UBXN7: variants seen among roughly 807,000 people sequenced by gnomAD.
UBXN7 encodes UBX domain protein 7.
Under a neutral mutation model 58.0 loss-of-function variants are expected in UBXN7, and 9 were observed. That is an observed-to-expected ratio of 0.16 (90% CI 0.09 to 0.27). The LOEUF (loss-of-function observed/expected upper bound fraction) is 0.27, where lower values mean the gene tolerates loss of function less well. Ranked by LOEUF, UBXN7 falls within the 10% of genes least tolerant of loss-of-function variation. The pLI is 1.00. For synonymous variants in UBXN7, 208 were observed against 205.0 expected (o/e 1.01, Z -0.12); for missense variants, 328 against 599.6 (o/e 0.55, Z 4.73).
At chr3:196,375,593 T>C (rs1218105393) in intron 5 of UBXN7, among the ~76,000 whole-genome samples, 1 of 152,180 alleles carries the variant, frequency 6.6e-6, no homozygotes. Context: ...AAGATTATCA[T>C]TGAAGAAGAT....
At chr3:196,419,003 C>T (rs1730591457) in intron 1 of UBXN7, among the ~76,000 whole-genome samples, 2 of 152,308 alleles carry the variant, frequency 1.3e-5, no homozygotes, top group African/African-American at 2.4e-5. Flanking sequence ...CGGTGGCTCA[C>T]GCCTGTAATC....
Position 196,383,386 on chromosome 3 carries a change from C to T in UBXN7, c.468+8427G>A, listed in dbSNP as rs150862711. Among the ~76,000 whole-genome samples, 766 of 152,258 alleles carry T rather than the reference C, an allele frequency of 5.0e-3. 7 individuals carry two copies. Among genetic ancestry groups the T allele is most frequent in the African/African-American group, 0.017 (725 of 41,558 alleles). Reference sequence around the variant, plus strand: ...ACCCCACTGTCAATATTAGACAGATCAATGAGACAGAAAGTTAACAAGGAT... The same window carrying T: ...ACCCCACTGTCAATATTAGACAGATTAATGAGACAGAAAGTTAACAAGGAT... On this transcript the variant is annotated intron_variant, in intron 5 of 10. Transcript: ENST00000296328.
At chr3:196,426,360 T>G (rs1368747713) in intron 1 of UBXN7, among the ~76,000 whole-genome samples, 1 of 135,750 alleles carries the variant, frequency 7.4e-6, no homozygotes, top group Non-Finnish European at 1.5e-5. Context: ...CACTCCAGCC[T>G]GGGTGACAGG....
At chr3:196,420,218 T>C (rs1730636329) in intron 1 of UBXN7, among the ~76,000 whole-genome samples, 1 of 152,126 alleles carries the variant, frequency 6.6e-6, no homozygotes, top group Non-Finnish European at 1.5e-5. Context: ...CGATTTAAAC[T>C]ATTTGCAAAC....
chr3:196,392,091 G>C lies in UBXN7; in HGVS notation c.356-166C>G, dbSNP rs923476763. On this transcript the variant is annotated intron_variant, in intron 4 of 10. Coordinates refer to ENST00000296328, the MANE Select transcript of UBXN7 (RefSeq NM_015562.2). ...GACTCTGAAAAAAAAAAATGCAAAGGGAGATAAGAGGAATCTTAAGACTTG... is the reference window on the plus strand; with the variant it reads ...GACTCTGAAAAAAAAAAATGCAAAGCGAGATAAGAGGAATCTTAAGACTTG... Among the ~76,000 whole-genome samples, 5 of 151,916 alleles carry C rather than the reference G, an allele frequency of 3.3e-5. No individual in the cohort carries two copies. The East Asian group carries it at 7.7e-4, about 23-fold the overall frequency.
At chr3:196,388,679 C>G (rs1442833942) in intron 5 of UBXN7, among the ~76,000 whole-genome samples, 1 of 152,174 alleles carries the variant, frequency 6.6e-6, no homozygotes, top group African/African-American at 2.4e-5. Flanking sequence ...GCCTGTAAAA[C>G]TGTGGCTCAC....
chr3:196,349,274 C>G lies in UBXN7; in HGVS notation c.*7411G>C, dbSNP rs1728157865. The G allele has an allele frequency of 6.6e-6, 1 of 152,086 alleles. No homozygotes were observed. Among genetic ancestry groups the G allele is most frequent in the Admixed American group, 6.6e-5 (1 of 15,262 alleles). The allele number at this position is 152,086 out of a possible 1,614,324, so 9.4% of individuals were successfully genotyped here. ...CCCCACATGGGTCAGATAAGCAGCC[C>G]CTACTAGAAGCTTGCTACTCGTTAA... On this transcript the variant is annotated 3_prime_UTR_variant, in exon 11 of 11. Transcript: ENST00000296328.
chr3:196,402,764 T>C (rs1730032294), intron 3 of UBXN7, among the ~76,000 whole-genome samples, 188 bp downstream of exon 3: 1 of 152,222 alleles, frequency 6.6e-6, no homozygotes, highest in South Asian at 2.1e-4. Context: ...CCAACAAATA[T>C]CAATTTTTAA....
chr3:196,383,532 T>C (rs187573212), intron 5 of UBXN7, among the ~76,000 whole-genome samples: 9 of 152,290 alleles, frequency 5.9e-5, no homozygotes, highest in Admixed American at 5.2e-4. Flanking sequence ...ATTCCAAAAC[T>C]GACCACATAG....
At chr3:196,388,722 G>GCC (rs1178780868) in intron 5 of UBXN7, among the ~76,000 whole-genome samples, 1 of 151,964 alleles carries the variant, frequency 6.6e-6, no homozygotes, top group Non-Finnish European at 1.5e-5. Flanking sequence ...AAACCTATGG[G>GCC]CCCTCCTTGG....
chr3:196,396,915 C>A (rs752137638), intron 3 of UBXN7, among the ~76,000 whole-genome samples: 11 of 152,190 alleles, frequency 7.2e-5, no homozygotes, highest in Non-Finnish European at 1.5e-4. Context: ...CATCACCTTT[C>A]CAACCTCCCC....
At chr3:196,368,301 C>T (rs1032753643) in intron 7 of UBXN7, 146 bp from the exon 8 acceptor site, 32 of 728,874 alleles carry the variant, frequency 4.4e-5, no homozygotes, top group African/African-American at 7.3e-5. Flanking sequence ...GATTAAAAAC[C>T]TGGATCTATA....
At position 196,393,847 on chromosome 3, in the gene UBXN7, T is replaced by C. The variant is rs954558657; in HGVS notation, c.290-228A>G. Reference sequence around the variant, plus strand: ...TGTTTTAAAACACTCAAGATTCATATGGTGCCTTCCCTCAAAAAATAAAAA... The same window carrying C: ...TGTTTTAAAACACTCAAGATTCATACGGTGCCTTCCCTCAAAAAATAAAAA... On this transcript the variant is annotated intron_variant, in intron 3 of 10. Coordinates refer to ENST00000296328, the MANE Select transcript of UBXN7 (RefSeq NM_015562.2). The C allele has an allele frequency of 4.3e-5, 14 of 328,926 alleles. No homozygotes were observed. The Admixed American group carries it at 4.8e-4, about 11-fold the overall frequency. The allele number at this position is 328,926 out of a possible 1,614,324, so 20.4% of individuals were successfully genotyped here.
At chr3:196,367,546 G>C (rs4916428) in intron 8 of UBXN7, among the ~76,000 whole-genome samples, 79,993 of 151,852 alleles carry the variant, frequency 0.53, 21,500 homozygotes, top group East Asian at 0.9. Context: ...AGGTGAGAAG[G>C]CTGCTTCAGC....
At chr3:196,400,321 ACT>A (rs1383824979) in intron 3 of UBXN7, 1 of 152,276 alleles carries the variant, frequency 6.6e-6, no homozygotes, top group African/African-American at 2.4e-5. Context: ...TTAAATCAAT[ACT>A]GTCTTAAGAA....
chr3:196,390,392 C>T (rs1309807970), intron 5 of UBXN7, among the ~76,000 whole-genome samples: 1 of 152,014 alleles, frequency 6.6e-6, no homozygotes, highest in Non-Finnish European at 1.5e-5. Context: ...ACCTGTTGGG[C>T]TTGATACACA....
chr3:196,412,509 T>C (rs1186925952), intron 1 of UBXN7, among the ~76,000 whole-genome samples: 2 of 152,058 alleles, frequency 1.3e-5, no homozygotes, highest in South Asian at 2.1e-4. Context: ...ACAACGAGGG[T>C]GGAAAACTAT....
intron 1 of UBXN7, among the ~76,000 whole-genome samples, chr3:196,430,369 A>G (rs1344114105): frequency 6.6e-6 from 1 of 151,828 alleles, no homozygotes; most frequent in African/African-American, 2.4e-5. Flanking sequence ...CAAAATAATA[A>G]TAATAATAAT....
chr3:196,367,981 G>A, intron 8 of UBXN7, 47 bp downstream of exon 8: 5 of 1,595,320 alleles, frequency 3.1e-6, no homozygotes, highest in Non-Finnish European at 4.3e-6. Context: ...AGATGCTTAT[G>A]ACCAATTACA....
Sources: allele counts gnomAD v4.1 joint callset (sites outside exome capture counted in the v4.1 genomes callset), GRCh38; gene constraint gnomAD v4.1.1; transcripts MANE v1.5; gene names NCBI Gene and HGNC (gene_info 2026-07-23, HGNC 2026-07-21).